Variants in PLXDC2 observed in about 807,000 individuals in gnomAD.
PLXDC2 encodes plexin domain containing 2.
A neutral mutation model predicts 68.9 loss-of-function variants in PLXDC2; 40 were observed. That is an observed-to-expected ratio of 0.58 (90% CI 0.45 to 0.76). The LOEUF (loss-of-function observed/expected upper bound fraction) is 0.76. Ranked by LOEUF, PLXDC2 falls within the 30% of genes least tolerant of loss-of-function variation. PLXDC2 has a pLI of 0.00. For missense variants in PLXDC2, 644 were observed against 661.9 expected, an observed-to-expected ratio of 0.97 and a Z score of 0.30; for synonymous variants, 243 against 234.2, an observed-to-expected ratio of 1.04 and a Z score of -0.34.
chr10:20,136,098 C>G (rs1296166691), intron 4 of PLXDC2, among the ~76,000 whole-genome samples: 1 of 152,148 alleles, frequency 6.6e-6, no homozygotes, highest in East Asian at 1.9e-4. Context: ...AGTAAACTCA[C>G]ATGAATTTCT....
At chr10:20,170,444 C>T (rs1389583554) in intron 7 of PLXDC2, among the ~76,000 whole-genome samples, 1 of 152,188 alleles carries the variant, frequency 6.6e-6, no homozygotes, top group Non-Finnish European at 1.5e-5. Context: ...CCTGCTTCAG[C>T]CTCCCATAGT....
intron 12 of PLXDC2, among the ~76,000 whole-genome samples, chr10:20,243,827 G>A (rs1289880423): frequency 1.3e-5 from 2 of 152,210 alleles, no homozygotes; most frequent in African/African-American, 4.8e-5. Flanking sequence ...GGGAGGCCGA[G>A]GTGGGTGAAT....
intron 13 of PLXDC2, among the ~76,000 whole-genome samples, chr10:20,251,150 T>A (rs1289896159): frequency 6.6e-6 from 1 of 152,188 alleles, no homozygotes; most frequent in African/African-American, 2.4e-5. Flanking sequence ...ATAGCCTATT[T>A]TTTTTATTAA....
At chr10:19,917,595 T>C (rs1833391959) in intron 1 of PLXDC2, among the ~76,000 whole-genome samples, 1 of 152,220 alleles carries the variant, frequency 6.6e-6, no homozygotes, top group Non-Finnish European at 1.5e-5. Context: ...TAAGCACATA[T>C]GTTCAGTCTG....
intron 7 of PLXDC2, among the ~76,000 whole-genome samples, chr10:20,176,469 C>G (rs574303666): frequency 1.1e-4 from 17 of 151,708 alleles, no homozygotes; most frequent in Admixed American, 9.2e-4. Context: ...AAGCACAATG[C>G]AATATTATTA....
At chr10:19,903,703 T>TA (rs961154059) in intron 1 of PLXDC2, among the ~76,000 whole-genome samples, 4 of 41,472 alleles carry the variant, frequency 9.6e-5, no homozygotes, top group African/African-American at 3.1e-4. Flanking sequence ...TCTTCATTAT[T>TA]TTTTTTTTTT....
intron 13 of PLXDC2, among the ~76,000 whole-genome samples, chr10:20,268,075 T>G (rs1313845914): frequency 1.3e-5 from 2 of 152,162 alleles, no homozygotes; most frequent in African/African-American, 4.8e-5. Flanking sequence ...GTTATAACAT[T>G]GTATGACAAT....
chr10:19,841,104 A>G (rs1026605383), intron 1 of PLXDC2, among the ~76,000 whole-genome samples: 2 of 152,190 alleles, frequency 1.3e-5, no homozygotes, highest in African/African-American at 4.8e-5. Flanking sequence ...GAACCATGGA[A>G]CATCAGTGTT....
rs118119646 is a variant in PLXDC2, at chr10:19,831,589, T to C, written c.112+14398T>C. On this transcript the variant is annotated intron_variant, in intron 1 of 13. Coordinates refer to ENST00000377252, the MANE Select transcript of PLXDC2 (RefSeq NM_032812.9). ...TTTCTGCTCCTCTCACTCCTCCCACTCTCCGCCCTCAGATAGACCCCAGTG... is the reference window on the plus strand; with the variant it reads ...TTTCTGCTCCTCTCACTCCTCCCACCCTCCGCCCTCAGATAGACCCCAGTG... Among the ~76,000 whole-genome samples the C allele has an allele frequency of 9.1e-3, 1,388 of 152,260 alleles. 20 individuals carry two copies. The highest frequency in any genetic ancestry group is 0.057 in the East Asian group (296 of 5,188).
rs112245300 is a variant in PLXDC2, at chr10:20,202,251, C to T, written c.1062-9418C>T. ...TTCAATACGTACACACAGATATACA[C>T]GTAAATCCCCAAACACAGTGTTAAA... is the stretch of plus-strand genomic sequence containing the variant. On this transcript the variant is annotated intron_variant, in intron 9 of 13. Transcript: ENST00000377252. 3.3e-3 allele frequency among the ~76,000 whole-genome samples: 501 copies of T among 152,186 alleles called. 1 individual carries two copies. The highest frequency in any genetic ancestry group is 0.01 in the African/African-American group (433 of 41,550).
At chr10:19,828,342 T>G (rs1269620216) in intron 1 of PLXDC2, among the ~76,000 whole-genome samples, 1 of 152,194 alleles carries the variant, frequency 6.6e-6, no homozygotes, top group Admixed American at 6.5e-5. Context: ...TTGCTACCCC[T>G]CCATAGACAA....
intron 1 of PLXDC2, among the ~76,000 whole-genome samples, chr10:19,991,888 T>C (rs1420374310): frequency 1.3e-5 from 2 of 152,208 alleles, no homozygotes; most frequent in African/African-American, 4.8e-5. Context: ...TTGGCCATGA[T>C]TGGTCCTTGT....
intron 1 of PLXDC2, among the ~76,000 whole-genome samples, chr10:19,858,291 AC>A (rs1482136561): frequency 6.6e-6 from 1 of 152,156 alleles, no homozygotes; most frequent in African/African-American, 2.4e-5. Flanking sequence ...CATGCAGCTA[AC>A]CTGCTGTCTC....
At chr10:19,992,873 A>G (rs2131630066) in intron 1 of PLXDC2, among the ~76,000 whole-genome samples, 1 of 151,938 alleles carries the variant, frequency 6.6e-6, no homozygotes, top group South Asian at 2.1e-4. Context: ...TGCTTAGATT[A>G]TTTTTTCTCC....
chr10:20,197,006 A>G (rs1010463999), intron 9 of PLXDC2, among the ~76,000 whole-genome samples: 41 of 151,668 alleles, frequency 2.7e-4, no homozygotes, highest in African/African-American at 8.7e-4. Context: ...TTTTTCTAAT[A>G]CGATGCAATG....
intron 1 of PLXDC2, among the ~76,000 whole-genome samples, chr10:19,882,049 T>C (rs1364041365): frequency 6.6e-6 from 1 of 152,214 alleles, no homozygotes; most frequent in East Asian, 1.9e-4. Flanking sequence ...ACTTGACATG[T>C]TTCTGGTAAT....
chr10:20,204,402 T>TAA (rs1159958822), intron 9 of PLXDC2, among the ~76,000 whole-genome samples: 1 of 152,174 alleles, frequency 6.6e-6, no homozygotes, highest in Non-Finnish European at 1.5e-5. Flanking sequence ...TCATCTCATT[T>TAA]AAAATACTGA....
At chr10:20,064,687 C>T (rs2131702781) in intron 3 of PLXDC2, among the ~76,000 whole-genome samples, 1 of 152,244 alleles carries the variant, frequency 6.6e-6, no homozygotes, top group Non-Finnish European at 1.5e-5. Context: ...TTCATAATCT[C>T]AATTGGTGAC....
chr10:19,969,842 A>T (rs1472512006), intron 1 of PLXDC2, among the ~76,000 whole-genome samples: 1 of 152,240 alleles, frequency 6.6e-6, no homozygotes, highest in Non-Finnish European at 1.5e-5. Context: ...CAGCAGAATG[A>T]TTTAAAATGC....
Sources: gnomAD v4.1 joint callset for allele counts (sites outside exome capture counted in the v4.1 genomes callset) on GRCh38, gnomAD v4.1.1 for gene constraint, MANE v1.5 for transcripts, NCBI Gene and HGNC (gene_info 2026-07-23, HGNC 2026-07-21) for gene names.